Variants in GLIS3 observed in about 807,000 individuals in gnomAD.
GLIS3 encodes GLIS family zinc finger 3, also known as zinc finger protein GLIS3.
GLIS3 carries 53 observed loss-of-function variants against 78.6 expected under a neutral mutation model. The ratio of observed to expected loss-of-function variants is 0.67; its 90% CI spans 0.54 to 0.85. The LOEUF is 0.85. GLIS3 is among the 40% of genes least tolerant of loss of function. The pLI is 0.00. For missense variants in GLIS3, 1,703 were observed against 1,231.1 expected, an observed-to-expected ratio of 1.38 and a Z score of -5.74; for synonymous variants, 684 against 509.9, an observed-to-expected ratio of 1.34 and a Z score of -4.60.
intron 6 of GLIS3, among the ~76,000 whole-genome samples, chr9:3,930,429 A>C (rs1268235384): frequency 2.0e-5 from 3 of 152,194 alleles, no homozygotes; most frequent in African/African-American, 7.2e-5. Flanking sequence ...GGTGTCTGCA[A>C]ATTGTCAATA....
At chr9:4,467,334 T>A in the GLIS3 span, among the ~76,000 whole-genome samples, 3 of 152,174 alleles carry the variant, frequency 2.0e-5, no homozygotes, top group Non-Finnish European at 4.4e-5. Flanking sequence ...GACTGCCTCC[T>A]CAAGTGGGTC....
chr9:4,015,980 A>T (rs1225351852), intron 4 of GLIS3, among the ~76,000 whole-genome samples: 1 of 151,906 alleles, frequency 6.6e-6, no homozygotes, highest in Admixed American at 6.6e-5. Flanking sequence ...TAAATACTGT[A>T]TAGCTAATAA....
intron 2 of GLIS3, among the ~76,000 whole-genome samples, chr9:4,159,192 T>C (rs1490272279): frequency 1.3e-5 from 2 of 152,150 alleles, no homozygotes; most frequent in Non-Finnish European, 2.9e-5. Flanking sequence ...CTAGTCCCCA[T>C]CCCATATATG....
chr9:4,257,045 GTAT>G (rs1215048653), intron 2 of GLIS3, among the ~76,000 whole-genome samples: 3 of 151,944 alleles, frequency 2.0e-5, no homozygotes, highest in Admixed American at 1.3e-4. Flanking sequence ...GTACATATAG[GTAT>G]TATGTATTAT....
At chr9:4,203,360 T>C (rs764728129) in intron 2 of GLIS3, among the ~76,000 whole-genome samples, 7 of 152,196 alleles carry the variant, frequency 4.6e-5, no homozygotes, top group Non-Finnish European at 7.3e-5. Flanking sequence ...GAAAAGGGAA[T>C]GCTTATATGC....
intron 2 of GLIS3, among the ~76,000 whole-genome samples, chr9:4,183,801 T>TAA (rs1170889991): frequency 6.6e-6 from 1 of 152,228 alleles, no homozygotes; most frequent in African/African-American, 2.4e-5. Flanking sequence ...TTCTGAATGT[T>TAA]TATTTGATTC....
intron 2 of GLIS3, among the ~76,000 whole-genome samples, chr9:4,199,459 T>A (rs1314999000): frequency 6.7e-6 from 1 of 148,478 alleles, no homozygotes; most frequent in Non-Finnish European, 1.5e-5. Context: ...ATATAAGTTA[T>A]ATATAAGTTT....
At chr9:3,969,781 T>C (rs1404293073) in intron 4 of GLIS3, among the ~76,000 whole-genome samples, 1 of 152,178 alleles carries the variant, frequency 6.6e-6, no homozygotes. Flanking sequence ...AGATGGTTGC[T>C]TTCAGTCACT....
chr9:3,919,867 G>C (rs1479989534), intron 6 of GLIS3, among the ~76,000 whole-genome samples: 1 of 151,778 alleles, frequency 6.6e-6, no homozygotes, highest in Non-Finnish European at 1.5e-5. Context: ...GACTGAAAAA[G>C]TAAACACCCA....
At position 4,343,602 on chromosome 9, in the gene GLIS3, A is replaced by G. The variant is rs2094783; in HGVS notation, n.264+3479T>C. ...GAATATAAATCATTCTACCATAAAG[A>G]CACATGCACATGTATGCTTATCACA... On this transcript the variant is annotated intron_variant and non_coding_transcript_variant, in intron 2 of 4. Coordinates refer to the GLIS3 transcript ENST00000471664. Among the ~76,000 whole-genome samples the G allele has an allele frequency of 1.8e-4, 27 of 152,346 alleles. 1 individual carries two copies. In the East Asian group the frequency reaches 4.6e-3, roughly 26 times the overall value.
chr9:3,991,267 A>G (rs541915965), intron 4 of GLIS3, among the ~76,000 whole-genome samples: 1 of 152,340 alleles, frequency 6.6e-6, no homozygotes. Context: ...GCCATCATTA[A>G]GACAAATGTC....
intron 2 of GLIS3, among the ~76,000 whole-genome samples, chr9:4,229,245 G>A (rs576003780): frequency 6.6e-6 from 1 of 152,194 alleles, no homozygotes; most frequent in Non-Finnish European, 1.5e-5. Flanking sequence ...TGCTTTCGCT[G>A]AAATCGCTTT....
chr9:4,129,861 A>T (rs34214897), intron 2 of GLIS3, among the ~76,000 whole-genome samples: 1 of 152,080 alleles, frequency 6.6e-6, no homozygotes. Flanking sequence ...AGACAGGAAG[A>T]TGTGGAAAAT....
the GLIS3 span, among the ~76,000 whole-genome samples, chr9:4,383,116 A>C: frequency 2.0e-5 from 3 of 152,262 alleles, no homozygotes; most frequent in Non-Finnish European, 4.4e-5. Flanking sequence ...TGAGGCTGCC[A>C]GACTTAATGT....
intron 4 of GLIS3, among the ~76,000 whole-genome samples, chr9:4,006,450 T>G (rs193218848): frequency 6.6e-6 from 1 of 152,320 alleles, no homozygotes; most frequent in Admixed American, 6.5e-5. Context: ...CATGCCATTA[T>G]TTAATTGAAG....
the GLIS3 span, among the ~76,000 whole-genome samples, chr9:4,484,218 C>G: frequency 1.3e-5 from 2 of 151,768 alleles, no homozygotes; most frequent in East Asian, 3.8e-4. Flanking sequence ...TGGGCATAAG[C>G]CAAACTAACT....
intron 2 of GLIS3, among the ~76,000 whole-genome samples, chr9:4,251,930 G>A (rs1824435144): frequency 6.6e-6 from 1 of 152,046 alleles, no homozygotes; most frequent in African/African-American, 2.4e-5. Context: ...TTTAATATTG[G>A]CCCCCACTCT....
intron 8 of GLIS3, among the ~76,000 whole-genome samples, chr9:3,862,017 A>C (rs1402049524): frequency 2.0e-5 from 3 of 152,222 alleles, no homozygotes; most frequent in African/African-American, 7.2e-5. Flanking sequence ...GAAGTAGTTA[A>C]TGTTGGTCTT....
chr9:4,364,385 G>A, the GLIS3 span, among the ~76,000 whole-genome samples: 4 of 152,026 alleles, frequency 2.6e-5, no homozygotes, highest in African/African-American at 4.8e-5. Context: ...TACAATATTT[G>A]GCCATTTTTA....
Sources: allele counts gnomAD v4.1 joint callset (sites outside exome capture counted in the v4.1 genomes callset), GRCh38; gene constraint gnomAD v4.1.1; transcripts MANE v1.5; gene names NCBI Gene and HGNC (gene_info 2026-07-23, HGNC 2026-07-21).